The following CHD3 variants were observed in gnomAD, a reference collection of about 807,000 sequenced individuals.
CHD3 encodes the protein chromodomain helicase DNA binding protein 3, also known as ATP-dependent chromatin remodeler CHD3.
A neutral mutation model predicts 248.9 loss-of-function variants in CHD3; 52 were observed. The observed-to-expected ratio is 0.21, with a 90% CI of 0.17 to 0.26. The LOEUF is 0.26. CHD3 is among the 10% of genes least tolerant of loss of function. CHD3 has a pLI of 1.00. For missense variants in CHD3, 1,482 were observed against 2,605.8 expected (o/e 0.57, Z 9.39); for synonymous variants, 985 against 985.2 (o/e 1.00, Z 0.00).
In CHD3 at chr17:7,907,048, A is replaced by T; in HGVS notation, c.4666+17A>T. 1 of 1,613,944 alleles carries T rather than the reference A, an allele frequency of 6.2e-7. No homozygotes were observed. The highest frequency in any genetic ancestry group is 8.5e-7 in the Non-Finnish European group (1 of 1,179,872). On this transcript the variant is annotated intron_variant, in intron 30 of 39. Transcript: ENST00000330494. The surrounding 1 kb of genome is among the most constrained non-coding windows in gnomAD (Gnocchi z 4.3). ...CTAAACCTGGTAATCAGAAGTCAGG[A>T]TGGTGGGAGAGACAGAAAGGGAGCC...
At position 7,895,539 on chromosome 17, in the gene CHD3, T is replaced by G; in HGVS notation, c.1704T>G (p.Leu568=). 1 of 1,613,694 alleles carries G rather than the reference T, an allele frequency of 6.2e-7. No individual in the cohort carries two copies. ...GGCACTGCTCCTGGGCCAAGGAGCT[T>G]CAGGTACTAGGACCTTTTCTTTCCC... The part of the protein sequence containing the change: ...SYWHCSWAKE[L]QLEIFHLVMY... Residue 568 remains leucine (L), a synonymous_variant, in exon 10 of 40, where the codon CTT becomes CTG. Coordinates refer to ENST00000330494, the MANE Select transcript of CHD3 (RefSeq NM_001005273.3). This position sits in a 1 kb window ranked among gnomAD's most constrained non-coding sequence, Gnocchi z 4.9.
In CHD3 at chr17:7,900,226, C is replaced by A; in HGVS notation, c.2683-64C>A. The A allele has an allele frequency of 6.2e-7, 1 of 1,605,856 alleles. No homozygotes were observed. Among genetic ancestry groups the A allele is most frequent in the Non-Finnish European group, 8.5e-7 (1 of 1,175,042 alleles). ...GAGCTGGGGCAGGGAAAGGCTGATGCTGTGGGTCGGTCACTTGTCACTAAT... is the reference window on the plus strand; with the variant it reads ...GAGCTGGGGCAGGGAAAGGCTGATGATGTGGGTCGGTCACTTGTCACTAAT... On this transcript the variant is annotated intron_variant, in intron 16 of 39. Coordinates refer to ENST00000330494, the MANE Select transcript of CHD3 (RefSeq NM_001005273.3). This position sits in a 1 kb window ranked among gnomAD's most constrained non-coding sequence, Gnocchi z 6.5.
In CHD3 at chr17:7,895,606, T is replaced by TA; in HGVS notation, c.1707+65dup. 2.8e-6 allele frequency: 4 copies of TA among 1,404,090 alleles called. No individual in the cohort carries two copies. The highest frequency in any genetic ancestry group is 4.0e-6 in the Non-Finnish European group (4 of 997,692). The allele number at this position is 1,404,090 out of a possible 1,614,324, so 87.0% of individuals were successfully genotyped here. The stretch of plus-strand genomic sequence containing the variant: ...ATTTCCTGCCATCCTCTCCCTCTCT[T>TA]ACTCCTCTGTTTGTTGGGTTCCCAT... On this transcript the variant is annotated intron_variant, in intron 10 of 39. Transcript: ENST00000330494. The surrounding 1 kb of genome is among the most constrained non-coding windows in gnomAD (Gnocchi z 4.9).
In CHD3 at chr17:7,898,515, G is replaced by T; in HGVS notation, c.2071G>T (p.Asp691Tyr). The change falls in exon 13 of 40, where the codon GAC becomes TAC. Residue 691 changes from aspartate to tyrosine, a missense_variant. Coordinates refer to ENST00000330494, the MANE Select transcript of CHD3 (RefSeq NM_001005273.3). ...WRHRELIMGEDPAQPRKYKKK... is the reference protein window; with the variant it reads ...WRHRELIMGEYPAQPRKYKKK... ...TTCCAGAGAACTAATTATGGGGGAAGACCCTGCCCAGCCCCGCAAGTATAA... is the reference window on the plus strand; with the variant it reads ...TTCCAGAGAACTAATTATGGGGGAATACCCTGCCCAGCCCCGCAAGTATAA... 2 of 1,613,986 alleles carry T rather than the reference G, an allele frequency of 1.2e-6. No homozygotes were observed. Among genetic ancestry groups the T allele is most frequent in the Non-Finnish European group, 1.7e-6 (2 of 1,179,904 alleles).
Position 7,897,039 on chromosome 17 carries a change from G to T in CHD3, c.1708-44G>T. On this transcript the variant is annotated intron_variant, in intron 10 of 39. Transcript: ENST00000330494. The surrounding 1 kb of genome is among the most constrained non-coding windows in gnomAD (Gnocchi z 4.8). ...TTCCCGGTTCCTTGTTGTCCTCTGTGAGTGTCAGGACTATCTCTTTCCCTT... is the reference window on the plus strand; with the variant it reads ...TTCCCGGTTCCTTGTTGTCCTCTGTTAGTGTCAGGACTATCTCTTTCCCTT... 6.6e-7 allele frequency: 1 copy of T among 1,525,632 alleles called. No individual in the cohort carries two copies. The highest frequency in any genetic ancestry group is 9.1e-7 in the Non-Finnish European group (1 of 1,099,954). The allele number at this position is 1,525,632 out of a possible 1,614,324, so 94.5% of individuals were successfully genotyped here. A position where few individuals can be genotyped will look rare whatever the true frequency, so the allele number is the denominator to read the frequency against.
At position 7,904,684 on chromosome 17, in the gene CHD3, T is replaced by A. The variant is rs1019399793; in HGVS notation, c.4072+65T>A. Reference sequence around the variant, plus strand: ...TGATGATGAGTAGGGACTTGAAGGCTGGAGCTATTTAGAGGGAAAGAGAGA... The same window carrying A: ...TGATGATGAGTAGGGACTTGAAGGCAGGAGCTATTTAGAGGGAAAGAGAGA... On this transcript the variant is annotated intron_variant, in intron 25 of 39. Transcript: ENST00000330494. The surrounding 1 kb of genome is among the most constrained non-coding windows in gnomAD (Gnocchi z 4.4). 2.1e-6 allele frequency: 3 copies of A among 1,432,588 alleles called. No individual in the cohort carries two copies. The highest frequency in any genetic ancestry group is 2.9e-6 in the Non-Finnish European group (3 of 1,042,736). The allele number at this position is 1,432,588 out of a possible 1,614,324, so 88.7% of individuals were successfully genotyped here.
chr17:7,891,575 G>C (rs918781580), intron 4 of CHD3, among the ~76,000 whole-genome samples: 2 of 152,080 alleles, frequency 1.3e-5, no homozygotes, highest in African/African-American at 4.8e-5. Context: ...AAATAGCAGA[G>C]ATGGGCCAGG....
rs1483574948 is a variant in CHD3, at chr17:7,905,034, A to G, written c.4073-66A>G. 1 of 1,432,234 alleles carries G rather than the reference A, an allele frequency of 7.0e-7. No homozygotes were observed. Among genetic ancestry groups the G allele is most frequent in the East Asian group, 2.3e-5 (1 of 43,864 alleles). The allele number at this position is 1,432,234 out of a possible 1,614,324, so 88.7% of individuals were successfully genotyped here. The stretch of plus-strand genomic sequence containing the variant: ...CTCGGCAGGGAGGAATCCAGCCAGA[A>G]AGGGCCTCAGCATGGGCATATCCCG... On this transcript the variant is annotated intron_variant, in intron 25 of 39. Coordinates refer to ENST00000330494, the MANE Select transcript of CHD3 (RefSeq NM_001005273.3). The surrounding 1 kb of genome is among the most constrained non-coding windows in gnomAD (Gnocchi z 5.8).
chr17:7,907,284 G>A lies in CHD3; in HGVS notation c.4788+37G>A, dbSNP rs776478736. On this transcript the variant is annotated intron_variant, in intron 31 of 39. Transcript: ENST00000330494. This position sits in a 1 kb window ranked among gnomAD's most constrained non-coding sequence, Gnocchi z 4.3. Reference sequence around the variant, plus strand: ...CCTGGATTCCCCTGTGGAGCGGGAGGGGAGGGGGCTTGGAGGCCAGGTACC... The same window carrying A: ...CCTGGATTCCCCTGTGGAGCGGGAGAGGAGGGGGCTTGGAGGCCAGGTACC... The A allele has an allele frequency of 3.1e-6, 5 of 1,613,976 alleles. No individual in the cohort carries two copies. The highest frequency in any genetic ancestry group is 4.2e-6 in the Non-Finnish European group (5 of 1,179,902).
chr17:7,908,384 C>G lies in CHD3; in HGVS notation c.5153-18C>G. ...TGCAAAACCCTGTTACCTCTTCTGTCTGCTGCCTTCTTTGCAGAGCTTCAC... is the reference window on the plus strand; with the variant it reads ...TGCAAAACCCTGTTACCTCTTCTGTGTGCTGCCTTCTTTGCAGAGCTTCAC... On this transcript the variant is annotated intron_variant, in intron 34 of 39. Transcript: ENST00000330494. This position sits in a 1 kb window ranked among gnomAD's most constrained non-coding sequence, Gnocchi z 5.8. The G allele has an allele frequency of 6.2e-7, 1 of 1,602,520 alleles. No individual in the cohort carries two copies. The highest frequency in any genetic ancestry group is 1.3e-5 in the African/African-American group (1 of 74,866).
At chr17:7,893,997 G>C in intron 6 of CHD3, 62 bp downstream of exon 6, 1 of 1,567,934 alleles carries the variant, frequency 6.4e-7, no homozygotes, top group East Asian at 2.3e-5. Flanking sequence ...ACAGGGATCC[G>C]TGAGGGCCAA....
chr17:7,884,842 G>GGCGGCC, upstream of CHD3: 1 of 1,079,472 alleles, frequency 9.3e-7, no homozygotes. Flanking sequence ...AGGAGGAGGA[G>GGCGGCC]GAGGAGATGG....
intron 4 of CHD3, among the ~76,000 whole-genome samples, chr17:7,891,842 C>G (rs973491326): frequency 3.3e-5 from 5 of 149,590 alleles, no homozygotes; most frequent in African/African-American, 1.2e-4. Flanking sequence ...CTAGCCTGGG[C>G]AACAAGCGAA....
At position 7,911,258 on chromosome 17, in the gene CHD3, G is replaced by C. The variant is rs1419948722; in HGVS notation, c.5882-206G>C. On this transcript the variant is annotated intron_variant, in intron 39 of 39. Transcript: ENST00000330494. This position sits in a 1 kb window ranked among gnomAD's most constrained non-coding sequence, Gnocchi z 5.4. ...TCAAGGGAAAGTGAATATGAAACCC[G>C]AGGGGTTAGAGAGTGGGAACATGTG... is the stretch of plus-strand genomic sequence containing the variant. Among the ~76,000 whole-genome samples the C allele has an allele frequency of 6.6e-6, 1 of 152,218 alleles. No homozygotes were observed. The highest frequency in any genetic ancestry group is 1.5e-5 in the Non-Finnish European group (1 of 68,040).
chr17:7,884,994 AC>A, upstream of CHD3: 1 of 1,229,698 alleles, frequency 8.1e-7, no homozygotes, highest in Non-Finnish European at 1.0e-6. Flanking sequence ...CGGGGCCGCG[AC>A]CGCCACAGCC....
chr17:7,911,088 G>T lies in CHD3; in HGVS notation c.5881+115G>T, dbSNP rs757816528. On this transcript the variant is annotated intron_variant, in intron 39 of 39. Coordinates refer to ENST00000330494, the MANE Select transcript of CHD3 (RefSeq NM_001005273.3). The surrounding 1 kb of genome is among the most constrained non-coding windows in gnomAD (Gnocchi z 5.4). ...CATCTCATTTCCTTGGTGGTATCCG[G>T]TGTTTTATGGGATAGAGTTGTTCTA... 39 of 1,425,906 alleles carry T rather than the reference G, an allele frequency of 2.7e-5. No individual in the cohort carries two copies. The highest frequency in any genetic ancestry group is 3.7e-5 in the Non-Finnish European group (38 of 1,028,742). The allele number at this position is 1,425,906 out of a possible 1,614,324, so 88.3% of individuals were successfully genotyped here.
chr17:7,893,138 AT>A (rs1567839684), intron 4 of CHD3, 147 bp from the exon 5 acceptor site: 2 of 1,228,702 alleles, frequency 1.6e-6, no homozygotes, highest in South Asian at 2.0e-5. Flanking sequence ...CTTTTTATTT[AT>A]TTTTTTAAAT....
At position 7,911,860 on chromosome 17, in the gene CHD3, C is replaced by A; in HGVS notation, c.*275C>A. The A allele has an allele frequency of 6.1e-6, 5 of 814,714 alleles. No homozygotes were observed. In the South Asian group the frequency reaches 6.2e-5, roughly 10 times the overall value. 50.5% of individuals were successfully genotyped at this position (814,714 alleles called of 1,614,324 possible). A position where few individuals can be genotyped will look rare whatever the true frequency, so the allele number is the denominator to read the frequency against. On this transcript the variant is annotated 3_prime_UTR_variant, in exon 40 of 40. Coordinates refer to ENST00000330494, the MANE Select transcript of CHD3 (RefSeq NM_001005273.3). The surrounding 1 kb of genome is among the most constrained non-coding windows in gnomAD (Gnocchi z 5.4). ...GGCAGGGTCTTCCAAGTACCTTCCTCCCACACTGCCAAGTATACACAACTT... is the reference window on the plus strand; with the variant it reads ...GGCAGGGTCTTCCAAGTACCTTCCTACCACACTGCCAAGTATACACAACTT...
chr17:7,904,302 A>G lies in CHD3; in HGVS notation c.3895-140A>G, dbSNP rs1352066151. Reference sequence around the variant, plus strand: ...ATGGCATGGAACATGCGCAATGTCCAGAAAATGTATGCAGAGCCACGAAGC... The same window carrying G: ...ATGGCATGGAACATGCGCAATGTCCGGAAAATGTATGCAGAGCCACGAAGC... On this transcript the variant is annotated intron_variant, in intron 24 of 39. Transcript: ENST00000330494. The surrounding 1 kb of genome is among the most constrained non-coding windows in gnomAD (Gnocchi z 4.4). 3 of 754,048 alleles carry G rather than the reference A, an allele frequency of 4.0e-6. No homozygotes were observed. Among genetic ancestry groups the G allele is most frequent in the Admixed American group, 5.5e-5 (2 of 36,648 alleles). 46.7% of individuals were successfully genotyped at this position (754,048 alleles called of 1,614,324 possible).
Sources: allele counts gnomAD v4.1 joint callset (sites outside exome capture counted in the v4.1 genomes callset), GRCh38; gene constraint gnomAD v4.1.1; non-coding constraint Gnocchi (gnomAD v3.1); transcripts MANE v1.5; gene names NCBI Gene and HGNC (gene_info 2026-07-23, HGNC 2026-07-21).